Variants in PRKCI observed in about 807,000 individuals in gnomAD.
The protein encoded by PRKCI is protein kinase C iota type.
A neutral mutation model predicts 84.0 loss-of-function variants in PRKCI; 43 were observed. That is an observed-to-expected ratio of 0.51 (90% CI 0.40 to 0.66). PRKCI has a LOEUF of 0.66. Among genes scored for constraint, PRKCI ranks in the 30% least tolerant of loss-of-function variants. PRKCI has a pLI of 0.00. For synonymous variants in PRKCI, 216 were observed against 234.4 expected, an observed-to-expected ratio of 0.92 and a Z score of 0.72; for missense variants, 459 against 745.6, an observed-to-expected ratio of 0.62 and a Z score of 4.48.
chr3:170,260,794 C>A (rs765348115), intron 3 of PRKCI, among the ~76,000 whole-genome samples: 2 of 152,102 alleles, frequency 1.3e-5, no homozygotes, highest in Non-Finnish European at 2.9e-5. Context: ...GTTTATACCT[C>A]AGCAACCTTG....
intron 1 of PRKCI, among the ~76,000 whole-genome samples, chr3:170,234,401 A>C (rs903838504): frequency 9.2e-5 from 14 of 152,162 alleles, no homozygotes; most frequent in African/African-American, 3.4e-4. Flanking sequence ...AGTGTTTTTT[A>C]GCTTTTGAAA....
intron 3 of PRKCI, among the ~76,000 whole-genome samples, chr3:170,261,449 GTTTT>G (rs141662590): frequency 0.02 from 2,550 of 130,734 alleles, 89 homozygotes; most frequent in African/African-American, 0.07. Context: ...CCTTTACAGT[GTTTT>G]TTTTTTAAAA....
intron 1 of PRKCI, among the ~76,000 whole-genome samples, chr3:170,229,774 C>T (rs574532940): frequency 3.3e-5 from 5 of 152,300 alleles, no homozygotes; most frequent in Non-Finnish European, 5.9e-5. Flanking sequence ...GCTTAATTTA[C>T]ATTCTTAACA....
intron 5 of PRKCI, 33 bp from the exon 6 acceptor site, chr3:170,270,388 G>A (rs1733969533): frequency 5.1e-6 from 8 of 1,565,558 alleles, no homozygotes; most frequent in African/African-American, 2.7e-5. Flanking sequence ...GACCTTCTTG[G>A]TTAATAAAAT....
At position 170,227,453 on chromosome 3, in the gene PRKCI, G is replaced by T. The variant is rs187666402; in HGVS notation, c.101+4683G>T. Among the ~76,000 whole-genome samples, 276 of 152,314 alleles carry T rather than the reference G, an allele frequency of 1.8e-3. 1 individual carries two copies. The highest frequency in any genetic ancestry group is 3.6e-3 in the Non-Finnish European group (247 of 68,032). ...TTTGAAGTACCTATGTAAGGTATTTGCAGGAATAGACGTTGGGGAGGAGTT... is the reference window on the plus strand; with the variant it reads ...TTTGAAGTACCTATGTAAGGTATTTTCAGGAATAGACGTTGGGGAGGAGTT... On this transcript the variant is annotated intron_variant, in intron 1 of 17. Coordinates refer to ENST00000295797, the MANE Select transcript of PRKCI (RefSeq NM_002740.6).
At chr3:170,265,620 CTTT>C (rs111545487) in intron 4 of PRKCI, among the ~76,000 whole-genome samples, 3 of 142,346 alleles carry the variant, frequency 2.1e-5, no homozygotes, top group Non-Finnish European at 1.5e-5. Context: ...CTTTCTTTTT[CTTT>C]TTTTTTTTTT....
At chr3:170,272,394 C>G (rs1734025641) in intron 6 of PRKCI, among the ~76,000 whole-genome samples, 2 of 152,090 alleles carry the variant, frequency 1.3e-5, no homozygotes, top group African/African-American at 4.8e-5. Flanking sequence ...CAGGTTATTA[C>G]CGGTAGCTCT....
chr3:170,235,119 T>C lies in PRKCI; in HGVS notation c.102-111T>C, dbSNP rs188855751. 2,283 of 1,119,084 alleles carry C rather than the reference T, an allele frequency of 2.0e-3. 37 individuals are homozygous for C. Among genetic ancestry groups the C allele is most frequent in the South Asian group, 0.019 (1,338 of 69,354 alleles). 69.3% of individuals were successfully genotyped at this position (1,119,084 alleles called of 1,614,324 possible). On this transcript the variant is annotated intron_variant, in intron 1 of 17. Coordinates refer to ENST00000295797, the MANE Select transcript of PRKCI (RefSeq NM_002740.6). ...ATCATTTACTGAAAGCAATACATGTTGATGCACACACAAAATTACTGAAGT... is the reference window on the plus strand; with the variant it reads ...ATCATTTACTGAAAGCAATACATGTCGATGCACACACAAAATTACTGAAGT...
intron 1 of PRKCI, among the ~76,000 whole-genome samples, chr3:170,232,557 T>C (rs1732829959): frequency 6.6e-6 from 1 of 151,452 alleles, no homozygotes; most frequent in Admixed American, 6.6e-5. Context: ...TAACCCACAA[T>C]ACAAAGCTGG....
intron 1 of PRKCI, among the ~76,000 whole-genome samples, chr3:170,230,034 G>C (rs1204952598): frequency 6.6e-6 from 1 of 152,060 alleles, no homozygotes; most frequent in Non-Finnish European, 1.5e-5. Flanking sequence ...TCTGTTGCTA[G>C]TCTGGAGTTT....
At chr3:170,290,782 TG>T (rs1477886917) in intron 12 of PRKCI, among the ~76,000 whole-genome samples, 1 of 152,140 alleles carries the variant, frequency 6.6e-6, no homozygotes, top group Non-Finnish European at 1.5e-5. Flanking sequence ...CATTAATTAT[TG>T]GGTAGTTCCT....
At chr3:170,272,287 A>G (rs1002949660) in intron 6 of PRKCI, among the ~76,000 whole-genome samples, 13 of 152,216 alleles carry the variant, frequency 8.5e-5, no homozygotes, top group African/African-American at 2.9e-4. Flanking sequence ...AACAGTCAAA[A>G]AAAGAAAGAA....
In PRKCI at chr3:170,299,078, T is replaced by G. The variant is rs747719528; in HGVS notation, c.1671T>G (p.Thr557=). The G allele has an allele frequency of 4.3e-6, 7 of 1,611,886 alleles. No homozygotes were observed. In the South Asian group the frequency reaches 6.6e-5, roughly 15 times the overall value. Residue 557 remains threonine (T), a synonymous_variant, in exon 17 of 18, where the codon ACT becomes ACG. Transcript: ENST00000295797. ...FGLDNFDSQF[T]NEPVQLTPDD... ...TGGACAACTTTGATTCTCAGTTTAC[T>G]AATGAACCTGTCCAGCTCACTCCAG...
At chr3:170,265,725 C>T (rs1733843138) in intron 4 of PRKCI, among the ~76,000 whole-genome samples, 1 of 151,766 alleles carries the variant, frequency 6.6e-6, no homozygotes, top group Non-Finnish European at 1.5e-5. Flanking sequence ...TGCCATTCAG[C>T]CTCCTGAGTA....
chr3:170,254,096 CA>C (rs139535233), intron 2 of PRKCI, among the ~76,000 whole-genome samples: 104 of 137,124 alleles, frequency 7.6e-4, no homozygotes, highest in Non-Finnish European at 8.6e-4. Flanking sequence ...GATCCGTTTC[CA>C]AAAAAAAAAA....
chr3:170,226,818 A>C (rs1327134595), intron 1 of PRKCI, among the ~76,000 whole-genome samples: 2 of 152,172 alleles, frequency 1.3e-5, no homozygotes, highest in Admixed American at 6.5e-5. Flanking sequence ...TTGGTCTTAG[A>C]GCTTCAGCCA....
intron 4 of PRKCI, among the ~76,000 whole-genome samples, chr3:170,264,563 G>A (rs555288481): frequency 1.3e-5 from 2 of 152,274 alleles, no homozygotes; most frequent in South Asian, 4.1e-4. Context: ...ACAGGTGTGA[G>A]CCACTGCACC....
intron 12 of PRKCI, among the ~76,000 whole-genome samples, chr3:170,285,996 C>G (rs924822725): frequency 2.6e-5 from 4 of 151,496 alleles, no homozygotes; most frequent in Non-Finnish European, 5.9e-5. Context: ...ACAATCTCGG[C>G]TCACTGCAAC....
chr3:170,247,182 C>T (rs1367304397), intron 2 of PRKCI, among the ~76,000 whole-genome samples: 1 of 151,664 alleles, frequency 6.6e-6, no homozygotes, highest in African/African-American at 2.4e-5. Flanking sequence ...CCACCTCAGC[C>T]TCCCAAGTAG....
Sources: allele counts gnomAD v4.1 joint callset (sites outside exome capture counted in the v4.1 genomes callset), GRCh38; gene constraint gnomAD v4.1.1; transcripts MANE v1.5; gene names NCBI Gene and HGNC (gene_info 2026-07-23, HGNC 2026-07-21).